The following SNAP91 variants were observed in gnomAD, a reference collection of about 807,000 sequenced individuals.
SNAP91 encodes the protein synaptosome associated protein 91.
In SNAP91, 27 loss-of-function variants were observed where a neutral mutation model predicts 100.3. The observed-to-expected ratio is 0.27, with a 90% CI of 0.20 to 0.37. The LOEUF (loss-of-function observed/expected upper bound fraction) is 0.37. Among genes scored for constraint, SNAP91 ranks in the 10% least tolerant of loss-of-function variants. The pLI, the probability that SNAP91 is intolerant of heterozygous loss-of-function variation, is 1.00. For missense variants in SNAP91, 986 were observed against 1,123.7 expected, an observed-to-expected ratio of 0.88 and a Z score of 1.75; for synonymous variants, 404 against 398.6, an observed-to-expected ratio of 1.01 and a Z score of -0.16.
intron 11 of SNAP91, among the ~76,000 whole-genome samples, chr6:83,614,047 G>A (rs2096321826): frequency 1.3e-5 from 2 of 152,092 alleles, no homozygotes; most frequent in Non-Finnish European, 2.9e-5. Flanking sequence ...TTTCCAAGAT[G>A]TTAACAGGAA....
At chr6:83,614,055 G>A (rs1340601230) in intron 11 of SNAP91, among the ~76,000 whole-genome samples, 1 of 152,068 alleles carries the variant, frequency 6.6e-6, no homozygotes. Flanking sequence ...ATGTTAACAG[G>A]AAGCTGTCAA....
chr6:83,698,658 T>C (rs1588085345), intron 2 of SNAP91, among the ~76,000 whole-genome samples: 1 of 152,156 alleles, frequency 6.6e-6, no homozygotes, highest in South Asian at 2.1e-4. Flanking sequence ...GAAAAAAATA[T>C]CTGGGGCATT....
chr6:83,695,551 A>G (rs2099195395), intron 2 of SNAP91, among the ~76,000 whole-genome samples: 1 of 152,148 alleles, frequency 6.6e-6, no homozygotes, highest in South Asian at 2.1e-4. Context: ...CCAATTATTT[A>G]CCTGATATAA....
intron 7 of SNAP91, among the ~76,000 whole-genome samples, chr6:83,646,009 G>C (rs2097903418): frequency 6.6e-6 from 1 of 152,100 alleles, no homozygotes; most frequent in East Asian, 1.9e-4. Context: ...TTTTAGCACG[G>C]AATAATATCT....
chr6:83,680,447 A>G (rs542364255), intron 2 of SNAP91, among the ~76,000 whole-genome samples: 4 of 152,236 alleles, frequency 2.6e-5, no homozygotes, highest in Non-Finnish European at 4.4e-5. Flanking sequence ...TCTTTTTTAA[A>G]ACTATCCAAA....
chr6:83,593,508 T>A lies in SNAP91; in HGVS notation c.1666A>T (p.Thr556Ser), dbSNP rs941954529. The A allele has an allele frequency of 6.4e-7, 1 of 1,552,224 alleles. No individual in the cohort carries two copies. The highest frequency in any genetic ancestry group is 1.2e-5 in the South Asian group (1 of 84,186). Residue 556 changes from threonine (T) to serine (S), a missense_variant, in exon 18 of 30, where the codon ACT (threonine) becomes TCT (serine). Thr to Ser is a moderately conservative substitution (Grantham distance 58). This residue lies in a region of SNAP91 where 575 missense variants were observed against 579.9 expected (regional missense o/e 0.99). Transcript: ENST00000369694. Reference protein sequence around the residue: ...TTTTSAATATTAPPALDIFGD... With the variant: ...TTTTSAATATSAPPALDIFGD... ...AAGATATCTAGAGCAGGAGGAGCAG[T>A]GGTGGCGGTGGCAGCGGAGGTGGTG...
intron 9 of SNAP91, among the ~76,000 whole-genome samples, chr6:83,618,294 A>G (rs2096580622): frequency 6.6e-6 from 1 of 151,878 alleles, no homozygotes; most frequent in Non-Finnish European, 1.5e-5. Flanking sequence ...GAACCAAAAT[A>G]TTAATTTGAT....
chr6:83,698,686 C>A (rs939767893), intron 2 of SNAP91, among the ~76,000 whole-genome samples: 2 of 152,078 alleles, frequency 1.3e-5, no homozygotes, highest in Admixed American at 6.6e-5. Context: ...ATAGCTTTCC[C>A]CCGATGAACT....
chr6:83,580,696 G>T, intron 23 of SNAP91, 97 bp from the exon 24 acceptor site: 1 of 1,154,024 alleles, frequency 8.7e-7, no homozygotes, highest in Non-Finnish European at 1.2e-6. Flanking sequence ...ATGGAAACAA[G>T]TGAATATAAA....
intron 7 of SNAP91, among the ~76,000 whole-genome samples, chr6:83,648,860 AATAC>A (rs1215224602): frequency 6.6e-6 from 1 of 152,168 alleles, no homozygotes; most frequent in Non-Finnish European, 1.5e-5. Flanking sequence ...CTAAAACATA[AATAC>A]ATATACTTTC....
chr6:83,608,080 A>T (rs1403301021), intron 12 of SNAP91, among the ~76,000 whole-genome samples: 2 of 152,214 alleles, frequency 1.3e-5, no homozygotes, highest in African/African-American at 4.8e-5. Context: ...ATTAATTAAA[A>T]TAAAAGCTAA....
chr6:83,610,716 T>G (rs1436331860), intron 11 of SNAP91, 39 bp from the exon 12 acceptor site: 1 of 152,146 alleles, frequency 6.6e-6, no homozygotes, highest in Non-Finnish European at 1.2e-5. Context: ...ACTGAATATA[T>G]ATATATATAT....
At chr6:83,682,908 T>C (rs911957392) in intron 2 of SNAP91, among the ~76,000 whole-genome samples, 14 of 151,986 alleles carry the variant, frequency 9.2e-5, no homozygotes, top group African/African-American at 3.4e-4. Flanking sequence ...CTTCTCTTTG[T>C]CTCCATTTCT....
At chr6:83,672,929 C>CA (rs776724394) in intron 2 of SNAP91, among the ~76,000 whole-genome samples, 2 of 152,004 alleles carry the variant, frequency 1.3e-5, no homozygotes, top group African/African-American at 2.4e-5. Context: ...TTCCTTTGCA[C>CA]AAATGTCAGA....
intron 5 of SNAP91, among the ~76,000 whole-genome samples, chr6:83,660,481 G>A (rs1251273331): frequency 6.6e-6 from 1 of 152,096 alleles, no homozygotes; most frequent in African/African-American, 2.4e-5. Flanking sequence ...AGCTGCTATA[G>A]TACCTTGCCA....
chr6:83,683,276 T>C lies in SNAP91; in HGVS notation c.131-17695A>G, dbSNP rs573560799. Among the ~76,000 whole-genome samples the C allele has an allele frequency of 4.6e-5, 7 of 152,276 alleles. No homozygotes were observed. The East Asian group carries it at 1.2e-3, about 25-fold the overall frequency. On this transcript the variant is annotated intron_variant, in intron 2 of 29. Coordinates refer to ENST00000369694, the MANE Select transcript of SNAP91 (RefSeq NM_001242792.2). The stretch of plus-strand genomic sequence containing the variant: ...CTTCTGTTCTTAGTCAAGACTCTCT[T>C]AGTAAGTGATACAGTTTTGATATTT...
At chr6:83,652,325 T>C (rs922738071) in intron 7 of SNAP91, among the ~76,000 whole-genome samples, 1 of 152,184 alleles carries the variant, frequency 6.6e-6, no homozygotes, top group Non-Finnish European at 1.5e-5. Flanking sequence ...AATGAGCACT[T>C]TATAAGATTC....
At chr6:83,610,797 G>C (rs1046240823) in intron 11 of SNAP91, 120 bp from the exon 12 acceptor site, 2 of 205,448 alleles carry the variant, frequency 9.7e-6, no homozygotes, top group Admixed American at 6.6e-5. Flanking sequence ...GATTTCACTT[G>C]GTCAAGCACT....
intron 2 of SNAP91, among the ~76,000 whole-genome samples, chr6:83,703,164 T>G (rs1004580890): frequency 2.0e-5 from 3 of 151,748 alleles, no homozygotes; most frequent in Admixed American, 6.6e-5. Context: ...GTGTGTTTTT[T>G]TTTTTTTTTT....
Sources: gnomAD v4.1 joint callset for allele counts (sites outside exome capture counted in the v4.1 genomes callset) on GRCh38, gnomAD v4.1.1 for gene constraint, gnomAD v4.1.1 regional missense constraint, MANE v1.5 for transcripts, NCBI Gene and HGNC (gene_info 2026-07-23, HGNC 2026-07-21) for gene names.